LINGO2: variants seen among roughly 807,000 people sequenced by gnomAD.
The protein encoded by LINGO2 is leucine-rich repeat and immunoglobulin-like domain-containing nogo receptor-interacting protein 2.
Under a neutral mutation model 30.6 loss-of-function variants are expected in LINGO2, and 14 were observed. That is an observed-to-expected ratio of 0.46 (90% confidence interval 0.30 to 0.72). LINGO2 has a LOEUF of 0.72. Among genes scored for constraint, LINGO2 ranks in the 30% least tolerant of loss-of-function variants. The pLI is 0.07. For synonymous variants in LINGO2, 317 were observed against 288.5 expected (o/e 1.10, Z -1.00); for missense variants, 729 against 751.7 (o/e 0.97, Z 0.35).
intron 2 of LINGO2, among the ~76,000 whole-genome samples, chr9:28,473,952 C>A (rs1285080844): frequency 6.6e-6 from 1 of 152,084 alleles, no homozygotes; most frequent in African/African-American, 2.4e-5. Flanking sequence ...ATTCCATCAG[C>A]ATCATTTTGA....
chr9:28,606,141 G>T (rs1052586266), intron 1 of LINGO2, among the ~76,000 whole-genome samples: 1 of 151,974 alleles, frequency 6.6e-6, no homozygotes, highest in Non-Finnish European at 1.5e-5. Context: ...AAAATAGTGG[G>T]TCTGAGAAGA....
intron 4 of LINGO2, among the ~76,000 whole-genome samples, chr9:28,052,158 G>A (rs1018696896): frequency 1.3e-5 from 2 of 152,060 alleles, no homozygotes; most frequent in Admixed American, 6.6e-5. Flanking sequence ...TAGTTCCTCT[G>A]TAGTGAATTC....
intron 4 of LINGO2, among the ~76,000 whole-genome samples, chr9:28,131,962 G>C (rs538637639): frequency 1.3e-5 from 2 of 152,128 alleles, no homozygotes; most frequent in African/African-American, 4.8e-5. Flanking sequence ...GGGGATCAAG[G>C]CTTGACATTC....
chr9:28,866,174 T>C, the LINGO2 span, among the ~76,000 whole-genome samples: 1 of 152,172 alleles, frequency 6.6e-6, no homozygotes, highest in Non-Finnish European at 1.5e-5. Flanking sequence ...GAATGAAATG[T>C]TCTGGTTGAA....
At chr9:28,803,558 T>C in the LINGO2 span, among the ~76,000 whole-genome samples, 2 of 151,908 alleles carry the variant, frequency 1.3e-5, no homozygotes, top group Non-Finnish European at 2.9e-5. Flanking sequence ...AAAAGCATAC[T>C]ATCAACTCAT....
chr9:28,942,765 CT>C, the LINGO2 span, among the ~76,000 whole-genome samples: 1 of 152,122 alleles, frequency 6.6e-6, no homozygotes, highest in African/African-American at 2.4e-5. Flanking sequence ...TATTTTTACA[CT>C]TATTTGTCTT....
intron 4 of LINGO2, among the ~76,000 whole-genome samples, chr9:28,079,887 CT>C (rs1315100706): frequency 2.0e-5 from 3 of 152,198 alleles, no homozygotes; most frequent in African/African-American, 7.2e-5. Context: ...TTCTAACCAG[CT>C]TAGCTGTCAT....
the LINGO2 span, among the ~76,000 whole-genome samples, chr9:28,874,991 A>C: frequency 6.6e-6 from 1 of 152,082 alleles, no homozygotes; most frequent in Non-Finnish European, 1.5e-5. Flanking sequence ...GTGAACACCA[A>C]AAACATAGCA....
At chr9:28,799,056 A>G in the LINGO2 span, among the ~76,000 whole-genome samples, 1 of 152,118 alleles carries the variant, frequency 6.6e-6, no homozygotes, top group South Asian at 2.1e-4. Context: ...TATGATCATG[A>G]GTAGTGAGTT....
At position 28,660,086 on chromosome 9, in the gene LINGO2, C is replaced by T. The variant is rs192560938; in HGVS notation, c.-365+10114G>A. Among the ~76,000 whole-genome samples, 16 of 152,148 alleles carry T rather than the reference C, an allele frequency of 1.1e-4. No individual in the cohort carries two copies. In the East Asian group the frequency reaches 2.5e-3, roughly 24 times the overall value. ...ATGAAGTTGTCATCGGGATTAAAAACTGTAATGGAACAAAAATATATAAAA... is the reference window on the plus strand; with the variant it reads ...ATGAAGTTGTCATCGGGATTAAAAATTGTAATGGAACAAAAATATATAAAA... On this transcript the variant is annotated intron_variant, in intron 1 of 5. Transcript: ENST00000379992.
the LINGO2 span, among the ~76,000 whole-genome samples, chr9:29,082,843 C>G: frequency 6.6e-6 from 1 of 152,180 alleles, no homozygotes; most frequent in Non-Finnish European, 1.5e-5. Flanking sequence ...TGCTCATCAT[C>G]ACTGGCCATC....
the LINGO2 span, among the ~76,000 whole-genome samples, chr9:28,949,461 A>G: frequency 1.3e-5 from 2 of 152,192 alleles, no homozygotes; most frequent in African/African-American, 4.8e-5. Flanking sequence ...ACAAACTACC[A>G]TCAGAGAATA....
At chr9:28,011,782 C>T (rs1241845316) in intron 5 of LINGO2, among the ~76,000 whole-genome samples, 4 of 152,202 alleles carry the variant, frequency 2.6e-5, no homozygotes, top group South Asian at 2.1e-4. Flanking sequence ...CTAAGCATTT[C>T]TAATGTTATT....
chr9:28,350,812 G>T (rs1478008308), intron 3 of LINGO2, among the ~76,000 whole-genome samples: 1 of 151,094 alleles, frequency 6.6e-6, no homozygotes, highest in Non-Finnish European at 1.5e-5. Context: ...TCAGACCACA[G>T]TGCAATCAAA....
chr9:28,546,847 C>A (rs1209660665), intron 1 of LINGO2, among the ~76,000 whole-genome samples: 3 of 151,876 alleles, frequency 2.0e-5, no homozygotes, highest in Non-Finnish European at 4.4e-5. Flanking sequence ...TTTCTGAACC[C>A]CAATAGTAGA....
chr9:28,563,132 C>T lies in LINGO2; in HGVS notation c.-364-87107G>A, dbSNP rs77023556. ...AAAGTGCTGGAATTATAGGCCTGAA[C>T]CACATGCCTGGCCTGAATAAAACTT... On this transcript the variant is annotated intron_variant, in intron 1 of 5. Transcript: ENST00000379992. Among the ~76,000 whole-genome samples, 61 of 152,184 alleles carry T rather than the reference C, an allele frequency of 4.0e-4. No homozygotes were observed. In the East Asian group the frequency reaches 0.011, roughly 28 times the overall value.
the LINGO2 span, among the ~76,000 whole-genome samples, chr9:29,018,088 A>ATT: frequency 3.9e-5 from 3 of 77,860 alleles, no homozygotes; most frequent in South Asian, 4.2e-4. Context: ...ATAAATATAC[A>ATT]TTTTATATAT....
At chr9:28,589,552 T>C (rs1824759832) in intron 1 of LINGO2, among the ~76,000 whole-genome samples, 1 of 152,114 alleles carries the variant, frequency 6.6e-6, no homozygotes, top group Admixed American at 6.6e-5. Context: ...CCATTCACAA[T>C]TGCTTCAAAG....
chr9:28,877,916 C>T, the LINGO2 span, among the ~76,000 whole-genome samples: 7 of 152,144 alleles, frequency 4.6e-5, no homozygotes, highest in African/African-American at 1.7e-4. Flanking sequence ...TTTGTATCCT[C>T]TTTTATTTCA....
Sources: gnomAD v4.1 joint callset for allele counts (sites outside exome capture counted in the v4.1 genomes callset) on GRCh38, gnomAD v4.1.1 for gene constraint, MANE v1.5 for transcripts, NCBI Gene and HGNC (gene_info 2026-07-23, HGNC 2026-07-21) for gene names.